The following KDM1A variants were observed in gnomAD, a reference collection of about 807,000 sequenced individuals.
The protein encoded by KDM1A is lysine demethylase 1A.
In KDM1A, 49 loss-of-function variants were observed where a neutral mutation model predicts 109.4. The observed-to-expected ratio is 0.45, with a 90% CI of 0.36 to 0.57. The LOEUF is 0.57. Among genes scored for constraint, KDM1A ranks in the 20% least tolerant of loss-of-function variants. KDM1A has a pLI of 0.00. For synonymous variants in KDM1A, 380 were observed against 415.4 expected (o/e 0.91, Z 1.04); for missense variants, 668 against 1,116.6 (o/e 0.60, Z 5.73).
At chr1:23,071,985 C>A in intron 13 of KDM1A, 139 bp from the exon 14 acceptor site, 1 of 600,790 alleles carries the variant, frequency 1.7e-6, no homozygotes, top group Non-Finnish European at 3.0e-6. Flanking sequence ...TCTATCTAAC[C>A]CCAGCCTAAA....
At chr1:23,069,203 G>A (rs186684186) in intron 12 of KDM1A, 52 bp downstream of exon 12, 1 of 1,180,322 alleles carries the variant, frequency 8.5e-7, no homozygotes. Flanking sequence ...AGGAGAAAAA[G>A]TCTTTAGAAA....
chr1:23,078,144 TCAC>T (rs1373330709), intron 16 of KDM1A, among the ~76,000 whole-genome samples: 15 of 152,180 alleles, frequency 9.9e-5, no homozygotes, highest in African/African-American at 3.6e-4. Context: ...GTTACTGAGA[TCAC>T]CACAGATGTT....
At chr1:23,042,692 T>C (rs921507351) in intron 2 of KDM1A, among the ~76,000 whole-genome samples, 3 of 151,432 alleles carry the variant, frequency 2.0e-5, no homozygotes, top group Non-Finnish European at 4.4e-5. Context: ...GACCTCGTGA[T>C]CCGCCCGCCT....
chr1:23,052,104 G>A (rs1642690395), intron 4 of KDM1A, among the ~76,000 whole-genome samples: 1 of 151,948 alleles, frequency 6.6e-6, no homozygotes, highest in South Asian at 2.1e-4. Context: ...ACTTAGATTT[G>A]AGCGATGGAT....
intron 20 of KDM1A, 124 bp downstream of exon 20, chr1:23,082,490 G>A (rs1643650212): frequency 2.1e-6 from 2 of 952,672 alleles, no homozygotes; most frequent in Admixed American, 3.0e-5. Flanking sequence ...AGATAACCAA[G>A]AGCAGAGTTA....
chr1:23,070,126 C>A (rs1286978050), intron 12 of KDM1A, among the ~76,000 whole-genome samples: 3 of 152,250 alleles, frequency 2.0e-5, no homozygotes, highest in Non-Finnish European at 2.9e-5. Context: ...TCACTCTTGT[C>A]CTGTGTGGTA....
Position 23,026,399 on chromosome 1 carries a change from T to TTG in KDM1A, c.352-4069_352-4068insGT, listed in dbSNP as rs1379706205. ...TGTTTTTTGTTTGTCTGTTTGTTTT[T>TTG]TTTTTTTTGAGGCAGTGTCTCACTT... On this transcript the variant is annotated intron_variant, in intron 1 of 20. Transcript: ENST00000400181. 9.9e-5 allele frequency among the ~76,000 whole-genome samples: 15 copies of TTG among 152,026 alleles called. No individual in the cohort carries two copies. The East Asian group carries it at 1.4e-3, about 14-fold the overall frequency.
At chr1:23,069,568 C>G (rs925262934) in intron 12 of KDM1A, among the ~76,000 whole-genome samples, 2 of 152,212 alleles carry the variant, frequency 1.3e-5, no homozygotes, top group Non-Finnish European at 2.9e-5. Flanking sequence ...GGGCCGCATT[C>G]AAAACTGTCC....
intron 9 of KDM1A, among the ~76,000 whole-genome samples, chr1:23,061,517 C>T (rs1268270184): frequency 6.6e-6 from 1 of 152,194 alleles, no homozygotes; most frequent in Non-Finnish European, 1.5e-5. Context: ...AAACCATTCT[C>T]AAATTTGGGA....
chr1:23,067,456 GT>G (rs1184322500), intron 10 of KDM1A, among the ~76,000 whole-genome samples: 1 of 152,150 alleles, frequency 6.6e-6, no homozygotes, highest in Non-Finnish European at 1.5e-5. Flanking sequence ...AAACTGTGGA[GT>G]TTCAAATGAG....
chr1:23,050,642 C>A, intron 4 of KDM1A, 122 bp downstream of exon 4: 2 of 733,846 alleles, frequency 2.7e-6, no homozygotes, highest in South Asian at 3.8e-5. Context: ...ACTATTATTA[C>A]CCAGAGATAA....
At chr1:23,052,593 C>G (rs1642705330) in intron 4 of KDM1A, among the ~76,000 whole-genome samples, 1 of 152,212 alleles carries the variant, frequency 6.6e-6, no homozygotes, top group South Asian at 2.1e-4. Context: ...AGTATATACT[C>G]ACTTTGAAGA....
At position 23,075,838 on chromosome 1, in the gene KDM1A, T is replaced by C. The variant is rs1643448731; in HGVS notation, c.1735-1390T>C. On this transcript the variant is annotated intron_variant, in intron 15 of 20. Coordinates refer to ENST00000400181, the MANE Select transcript of KDM1A (RefSeq NM_001009999.3). ...GGCGCATGCCTGTAGTCTCAGCTGC[T>C]TGGGAGACTGAGGCAAGAGAATCGC... 2.0e-5 allele frequency among the ~76,000 whole-genome samples: 3 copies of C among 151,592 alleles called. No individual in the cohort carries two copies. In the South Asian group the frequency reaches 6.2e-4, roughly 32 times the overall value.
chr1:23,066,033 TTC>T, intron 9 of KDM1A, 25 bp from the exon 10 acceptor site: 2 of 1,606,812 alleles, frequency 1.2e-6, no homozygotes, highest in Non-Finnish European at 1.7e-6. Context: ...TACAGTTTAT[TTC>T]TCTCTCTGCT....
At chr1:23,020,036 G>C (rs1641573370) in intron 1 of KDM1A, 89 bp downstream of exon 1, 1 of 1,336,990 alleles carries the variant, frequency 7.5e-7, no homozygotes, top group South Asian at 1.8e-5. Flanking sequence ...GCCGGGTCTT[G>C]GGCCCTGCGA....
intron 2 of KDM1A, among the ~76,000 whole-genome samples, chr1:23,038,685 T>A (rs1642221831): frequency 6.6e-6 from 1 of 152,226 alleles, no homozygotes. Context: ...TTACTTTCTT[T>A]TGATAAGATC....
At position 23,069,155 on chromosome 1, in the gene KDM1A, A is replaced by G. The variant is rs1340654802; in HGVS notation, c.1413+4A>G. ...ATTGAAAGAACTTCTTAATAAGGTG[A>G]AATTCTGTATTTTCTTCATAGCTGA... On this transcript the variant is annotated splice_donor_region_variant and intron_variant, in intron 12 of 20. Coordinates refer to ENST00000400181, the MANE Select transcript of KDM1A (RefSeq NM_001009999.3). The G allele has an allele frequency of 7.1e-6, 11 of 1,553,534 alleles. No homozygotes were observed. In the East Asian group the frequency reaches 1.1e-4, roughly 16 times the overall value.
intron 1 of KDM1A, among the ~76,000 whole-genome samples, chr1:23,020,749 T>C (rs1641600409): frequency 6.6e-6 from 1 of 152,166 alleles, no homozygotes; most frequent in Non-Finnish European, 1.5e-5. Context: ...ATTTTAGGAA[T>C]GAGTAAACTG....
intron 3 of KDM1A, among the ~76,000 whole-genome samples, chr1:23,044,794 T>C (rs1642454745): frequency 6.6e-6 from 1 of 152,074 alleles, no homozygotes; most frequent in Non-Finnish European, 1.5e-5. Context: ...TTAGGAATCA[T>C]GGGACCCTTA....
Sources: gnomAD v4.1 joint callset for allele counts (sites outside exome capture counted in the v4.1 genomes callset) on GRCh38, gnomAD v4.1.1 for gene constraint, MANE v1.5 for transcripts, NCBI Gene and HGNC (gene_info 2026-07-23, HGNC 2026-07-21) for gene names.